TAFA5: variants seen among roughly 807,000 people sequenced by gnomAD.
The protein encoded by TAFA5 is TAFA chemokine like family member 5.
TAFA5 carries 6 observed loss-of-function variants against 15.3 expected under a neutral mutation model. That is an observed-to-expected ratio of 0.39 (90% CI 0.21 to 0.77). The LOEUF is 0.77. Among genes scored for constraint, TAFA5 ranks in the 30% least tolerant of loss-of-function variants. The pLI is 0.41. For synonymous variants in TAFA5, 103 were observed against 80.7 expected (o/e 1.28, Z -1.48); for missense variants, 161 against 193.1 (o/e 0.83, Z 0.98).
intron 2 of TAFA5, among the ~76,000 whole-genome samples, chr22:48,653,184 G>C (rs1321243097): frequency 6.6e-6 from 1 of 152,228 alleles, no homozygotes; most frequent in Non-Finnish European, 1.5e-5. Context: ...GCGCCTGGGG[G>C]CTGTTGGCGA....
At chr22:48,721,245 C>G (rs1164642726) in intron 3 of TAFA5, among the ~76,000 whole-genome samples, 1 of 152,252 alleles carries the variant, frequency 6.6e-6, no homozygotes. Context: ...GACAACCTCC[C>G]TGGCCATTCT....
intron 1 of TAFA5, among the ~76,000 whole-genome samples, chr22:48,570,673 C>T (rs188742474): frequency 1.8e-4 from 28 of 152,308 alleles, no homozygotes; most frequent in Non-Finnish European, 2.9e-4. Flanking sequence ...TAAAACACTG[C>T]CTTCCTCTTT....
At position 48,566,741 on chromosome 22, in the gene TAFA5, G is replaced by A. The variant is rs1923420620; in HGVS notation, c.112+77037G>A. 6.6e-6 allele frequency among the ~76,000 whole-genome samples: 1 copy of A among 152,188 alleles called. No homozygotes were observed. Among genetic ancestry groups the A allele is most frequent in the African/African-American group, 2.4e-5 (1 of 41,442 alleles). ...CTAAACGGGGTGAGGTGTGTAAAGG[G>A]TGTGGCCTGTAGAGAACCCAGCCCC... On this transcript the variant is annotated intron_variant, in intron 1 of 3. Transcript: ENST00000402357. The surrounding 1 kb of genome is among the most constrained non-coding windows in gnomAD (Gnocchi z 4.5).
At chr22:48,528,120 A>T (rs1385378440) in intron 1 of TAFA5, among the ~76,000 whole-genome samples, 1 of 152,188 alleles carries the variant, frequency 6.6e-6, no homozygotes, top group Non-Finnish European at 1.5e-5. Context: ...AGGCCCCGCG[A>T]TGGCTCTGAT....
At chr22:48,583,873 ACAT>A (rs1273957585) in intron 1 of TAFA5, among the ~76,000 whole-genome samples, 2 of 150,046 alleles carry the variant, frequency 1.3e-5, no homozygotes, top group African/African-American at 2.5e-5. Flanking sequence ...CACACACGCA[ACAT>A]CATACACACA....
chr22:48,642,695 C>T (rs1926726336), intron 1 of TAFA5, among the ~76,000 whole-genome samples: 2 of 152,158 alleles, frequency 1.3e-5, no homozygotes, highest in East Asian at 1.9e-4. Context: ...GTGTGGCCTG[C>T]GTGGTCTTTC....
chr22:48,556,032 T>C (rs961671554), intron 1 of TAFA5, among the ~76,000 whole-genome samples: 1 of 152,160 alleles, frequency 6.6e-6, no homozygotes, highest in African/African-American at 2.4e-5. Context: ...TTGGGATTCA[T>C]GGACCAGGCT....
chr22:48,676,578 C>A (rs77349253), intron 2 of TAFA5, among the ~76,000 whole-genome samples: 134 of 152,346 alleles, frequency 8.8e-4, no homozygotes, highest in African/African-American at 3.2e-3. Flanking sequence ...ATGTCCAGTT[C>A]TTTTGTCCCA....
At chr22:48,546,495 C>T (rs754419532) in intron 1 of TAFA5, 14 of 471,012 alleles carry the variant, frequency 3.0e-5, no homozygotes, top group East Asian at 6.9e-5. Flanking sequence ...GGTGTGTGGA[C>T]GCCCCTGTTT....
At chr22:48,520,814 T>A (rs1012725257) in intron 1 of TAFA5, among the ~76,000 whole-genome samples, 2 of 152,000 alleles carry the variant, frequency 1.3e-5, no homozygotes, top group African/African-American at 4.8e-5. Flanking sequence ...AACAAGGGGA[T>A]CTGGAAGGTC....
chr22:48,670,220 G>A (rs903355121), intron 2 of TAFA5, among the ~76,000 whole-genome samples: 6 of 152,232 alleles, frequency 3.9e-5, no homozygotes, highest in Non-Finnish European at 7.3e-5. Flanking sequence ...GTGCGCCTTG[G>A]GAGTCAGCCC....
At chr22:48,508,930 G>A (rs1016532783) in intron 1 of TAFA5, among the ~76,000 whole-genome samples, 1 of 152,138 alleles carries the variant, frequency 6.6e-6, no homozygotes, top group Non-Finnish European at 1.5e-5. Flanking sequence ...CTGTTTAGCT[G>A]TAACTTGGTG....
intron 1 of TAFA5, among the ~76,000 whole-genome samples, chr22:48,524,855 T>C (rs1393213917): frequency 5.3e-5 from 8 of 152,132 alleles, no homozygotes; most frequent in Non-Finnish European, 1.2e-4. Context: ...GGCAGGACCT[T>C]CTGCACCCAG....
intron 2 of TAFA5, among the ~76,000 whole-genome samples, chr22:48,692,059 ACTC>A (rs72375426): frequency 0.09 from 13,602 of 151,698 alleles, 858 homozygotes; most frequent in Admixed American, 0.21. Flanking sequence ...GCCCTGGTTT[ACTC>A]CTCCCTGAAC....
intron 1 of TAFA5, among the ~76,000 whole-genome samples, chr22:48,574,780 C>T (rs1923701907): frequency 6.6e-6 from 1 of 152,216 alleles, no homozygotes; most frequent in Admixed American, 6.5e-5. Context: ...TGGTACTGGG[C>T]TCTGGGGCGA....
intron 1 of TAFA5, among the ~76,000 whole-genome samples, chr22:48,503,363 C>G (rs1399482846): frequency 6.6e-6 from 1 of 152,256 alleles, no homozygotes; most frequent in Non-Finnish European, 1.5e-5. Flanking sequence ...TACCTTTGGC[C>G]TGGTGTCCCT....
At chr22:48,653,615 C>T (rs985698793) in intron 2 of TAFA5, among the ~76,000 whole-genome samples, 2 of 152,190 alleles carry the variant, frequency 1.3e-5, no homozygotes, top group Admixed American at 1.3e-4. Context: ...GCCAGTCCTT[C>T]TCCAGCAAGT....
chr22:48,630,742 A>G (rs892293101), intron 1 of TAFA5, among the ~76,000 whole-genome samples: 1 of 152,166 alleles, frequency 6.6e-6, no homozygotes, highest in Non-Finnish European at 1.5e-5. Context: ...GCCCTGAATC[A>G]CGGGGGCGAT....
At chr22:48,721,618 G>A (rs942532470) in intron 3 of TAFA5, among the ~76,000 whole-genome samples, 10 of 152,218 alleles carry the variant, frequency 6.6e-5, no homozygotes, top group Non-Finnish European at 1.5e-4. Flanking sequence ...ATCACTTTGA[G>A]ATTAATTTCT....
Sources: gnomAD v4.1 joint callset for allele counts (sites outside exome capture counted in the v4.1 genomes callset) on GRCh38, gnomAD v4.1.1 for gene constraint, Gnocchi (gnomAD v3.1) non-coding constraint, MANE v1.5 for transcripts, NCBI Gene and HGNC (gene_info 2026-07-23, HGNC 2026-07-21) for gene names.